Variants in COG3 observed in about 807,000 individuals in gnomAD.
The protein encoded by COG3 is conserved oligomeric Golgi complex subunit 3.
A neutral mutation model predicts 114.1 loss-of-function variants in COG3; 32 were observed. The ratio of observed to expected loss-of-function variants is 0.28; its 90% CI spans 0.21 to 0.38. The LOEUF (loss-of-function observed/expected upper bound fraction) is 0.38, where lower values mean the gene tolerates loss of function less well. Ranked by LOEUF, COG3 falls within the 10% of genes least tolerant of loss-of-function variation. The probability of loss-of-function intolerance (pLI) is 1.00; values close to 1 mark genes in which losing one functional copy is unlikely to be tolerated. For missense variants in COG3, 813 were observed against 973.2 expected, an observed-to-expected ratio of 0.84 and a Z score of 2.19; for synonymous variants, 352 against 365.7, an observed-to-expected ratio of 0.96 and a Z score of 0.43.
chr13:45,485,013 C>CA (rs1339900414), intron 7 of COG3, among the ~76,000 whole-genome samples: 1 of 139,480 alleles, frequency 7.2e-6, no homozygotes, highest in African/African-American at 2.6e-5. Flanking sequence ...TCCACACAGA[C>CA]ACGGCAACCA....
At chr13:45,524,877 TTG>T in intron 19 of COG3, 97 bp from the exon 20 acceptor site, 1 of 729,028 alleles carries the variant, frequency 1.4e-6, no homozygotes, top group Non-Finnish European at 2.3e-6. Context: ...TTAAATGGTG[TTG>T]TGTATCCCTT....
Position 45,464,994 on chromosome 13 carries a change from C to T in COG3, c.-43C>T, listed in dbSNP as rs1488912664. 8 of 1,537,196 alleles carry T rather than the reference C, an allele frequency of 5.2e-6. No individual in the cohort carries two copies. The highest frequency in any genetic ancestry group is 6.1e-6 in the Non-Finnish European group (7 of 1,143,490). ...GTGGCCCAGGTCTCTCTGTCGGGGT[C>T]CCCTCCATCTCGCTGCTGCTGAAGG... is the stretch of plus-strand genomic sequence containing the variant. On this transcript the variant is annotated 5_prime_UTR_variant, in exon 1 of 23. Coordinates refer to ENST00000349995, the MANE Select transcript of COG3 (RefSeq NM_031431.4).
chr13:45,465,674 G>T lies in COG3; in HGVS notation c.174+464G>T, dbSNP rs572950302. The T allele has an allele frequency of 7.1e-4, 109 of 154,408 alleles. 1 individual carries two copies. The South Asian group carries it at 0.021, about 30-fold the overall frequency. The allele number at this position is 154,408 out of a possible 1,614,324, so 9.6% of individuals were successfully genotyped here. ...CACCTAGGTTGCTTTGTCCATGGGG[G>T]TCTTGGGGAGACCAAAACTTGGTCC... On this transcript the variant is annotated intron_variant, in intron 1 of 22. Coordinates refer to ENST00000349995, the MANE Select transcript of COG3 (RefSeq NM_031431.4).
chr13:45,489,671 A>G (rs1466699523), intron 8 of COG3, among the ~76,000 whole-genome samples: 1 of 152,142 alleles, frequency 6.6e-6, no homozygotes, highest in East Asian at 1.9e-4. Flanking sequence ...GGATGAAGAA[A>G]ATGACAAAAC....
intron 1 of COG3, chr13:45,465,570 C>A: frequency 4.8e-6 from 1 of 206,612 alleles, no homozygotes; most frequent in Non-Finnish European, 9.8e-6. Flanking sequence ...CACTCTCTCC[C>A]AGAAGGAGAG....
intron 13 of COG3, among the ~76,000 whole-genome samples, chr13:45,497,784 T>A (rs374457270): frequency 6.8e-6 from 1 of 147,138 alleles, no homozygotes; most frequent in East Asian, 2.0e-4. Context: ...AGACCCTGTC[T>A]CAACAACAAC....
chr13:45,484,942 C>CA (rs1886490110), intron 7 of COG3, among the ~76,000 whole-genome samples: 1 of 145,396 alleles, frequency 6.9e-6, no homozygotes, highest in African/African-American at 2.6e-5. Context: ...AACAGGATCC[C>CA]AAGGCAGAGG....
At chr13:45,482,541 G>A in intron 6 of COG3, 68 bp downstream of exon 6, 1 of 751,186 alleles carries the variant, frequency 1.3e-6, no homozygotes, top group South Asian at 1.9e-5. Flanking sequence ...CTATCTTTTT[G>A]TGTTTTTCAA....
chr13:45,472,549 G>A (rs778828645), intron 1 of COG3, among the ~76,000 whole-genome samples: 9 of 151,944 alleles, frequency 5.9e-5, no homozygotes, highest in Non-Finnish European at 1.3e-4. Flanking sequence ...TGTTTTCTCT[G>A]TATGATTCAT....
At position 45,529,443 on chromosome 13, in the gene COG3, A is replaced by ACTAGTGT. The variant is rs550341665; in HGVS notation, c.2231-345_2231-339dup. On this transcript the variant is annotated intron_variant, in intron 20 of 22. Coordinates refer to ENST00000349995, the MANE Select transcript of COG3 (RefSeq NM_031431.4). ...ACTCATTCATTATGAAGTAATTCTT[A>ACTAGTGT]CTAGTGTCTCTCTGAAAATGACTTT... Among the ~76,000 whole-genome samples the ACTAGTGT allele has an allele frequency of 3.8e-3, 572 of 152,022 alleles. 3 individuals are homozygous for ACTAGTGT. The highest frequency in any genetic ancestry group is 0.013 in the African/African-American group (551 of 41,456).
At chr13:45,510,903 T>G (rs1381487555) in intron 15 of COG3, among the ~76,000 whole-genome samples, 2 of 152,202 alleles carry the variant, frequency 1.3e-5, no homozygotes, top group African/African-American at 4.8e-5. Context: ...AATCTCTCCT[T>G]CCTATAGTAA....
intron 22 of COG3, among the ~76,000 whole-genome samples, chr13:45,532,665 G>C (rs1203573676): frequency 6.9e-6 from 1 of 145,724 alleles, no homozygotes; most frequent in Non-Finnish European, 1.5e-5. Context: ...CGCCTCCCGG[G>C]TTCATGCCAT....
At chr13:45,489,223 G>A (rs9595329) in intron 8 of COG3, among the ~76,000 whole-genome samples, 16,739 of 69,474 alleles carry the variant, frequency 0.24, 2,482 homozygotes, top group Non-Finnish European at 0.33. Context: ...GAGCCAGCCA[G>A]TTGAAAGGAA....
At chr13:45,497,784 T>TCAA (rs1242517110) in intron 13 of COG3, among the ~76,000 whole-genome samples, 3,685 of 147,224 alleles carry the variant, frequency 0.025, 133 homozygotes, top group African/African-American at 0.082. Context: ...AGACCCTGTC[T>TCAA]CAACAACAAC....
chr13:45,499,469 C>T (rs1228256232), intron 13 of COG3, among the ~76,000 whole-genome samples: 3 of 152,144 alleles, frequency 2.0e-5, no homozygotes, highest in Non-Finnish European at 4.4e-5. Context: ...GTAAGTTTGC[C>T]ATTTGCATGG....
At chr13:45,493,662 C>A in intron 12 of COG3, 176 bp downstream of exon 12, 1 of 428,976 alleles carries the variant, frequency 2.3e-6, no homozygotes, top group Non-Finnish European at 4.1e-6. Flanking sequence ...ACTAAAGACA[C>A]AATCAGATAG....
intron 14 of COG3, among the ~76,000 whole-genome samples, chr13:45,507,648 C>T (rs538282577): frequency 6.6e-6 from 1 of 152,080 alleles, no homozygotes; most frequent in Non-Finnish European, 1.5e-5. Flanking sequence ...GCCTGTAATC[C>T]CAGCTACTCG....
chr13:45,525,381 T>C (rs887175404), intron 20 of COG3, among the ~76,000 whole-genome samples: 1 of 152,130 alleles, frequency 6.6e-6, no homozygotes, highest in African/African-American at 2.4e-5. Flanking sequence ...ATACTGTGGT[T>C]GATAGGAAGA....
Position 45,535,188 on chromosome 13 carries a change from A to G in COG3, c.*457A>G, listed in dbSNP as rs115272413. ...CATTCCACAGTGAAATGTTATTTCTATGCTCTTATTTAATGTAATGTTTCT... is the reference window on the plus strand; with the variant it reads ...CATTCCACAGTGAAATGTTATTTCTGTGCTCTTATTTAATGTAATGTTTCT... On this transcript the variant is annotated 3_prime_UTR_variant, in exon 23 of 23. Coordinates refer to ENST00000349995, the MANE Select transcript of COG3 (RefSeq NM_031431.4). The G allele has an allele frequency of 5.9e-4, 579 of 987,410 alleles. 3 individuals are homozygous for G. In the African/African-American group the frequency reaches 8.6e-3, roughly 15 times the overall value. 61.2% of individuals were successfully genotyped at this position (987,410 alleles called of 1,614,324 possible).
Sources: allele counts gnomAD v4.1 joint callset (sites outside exome capture counted in the v4.1 genomes callset), GRCh38; gene constraint gnomAD v4.1.1; transcripts MANE v1.5; gene names NCBI Gene and HGNC (gene_info 2026-07-23, HGNC 2026-07-21).